The following DPP10 variants were observed in gnomAD, a reference collection of about 807,000 sequenced individuals.
DPP10 encodes inactive dipeptidyl peptidase 10.
Under a neutral mutation model 120.9 loss-of-function variants are expected in DPP10, and 33 were observed. That is an observed-to-expected ratio of 0.27 (90% CI 0.21 to 0.37). The LOEUF (loss-of-function observed/expected upper bound fraction) is 0.37, where lower values mean the gene tolerates loss of function less well. Among genes scored for constraint, DPP10 ranks in the 10% least tolerant of loss-of-function variants. DPP10 has a pLI of 1.00. For synonymous variants in DPP10, 337 were observed against 326.1 expected, an observed-to-expected ratio of 1.03 and a Z score of -0.36; for missense variants, 816 against 942.8, an observed-to-expected ratio of 0.87 and a Z score of 1.76.
intron 19 of DPP10, among the ~76,000 whole-genome samples, chr2:115,791,962 T>G (rs1235590911): frequency 6.6e-6 from 1 of 152,204 alleles, no homozygotes; most frequent in Non-Finnish European, 1.5e-5. Context: ...TTATTTCCCT[T>G]ATTAATATGA....
chr2:114,447,157 T>A (rs1210428048), intron 1 of DPP10, among the ~76,000 whole-genome samples: 1 of 150,798 alleles, frequency 6.6e-6, no homozygotes, highest in South Asian at 2.1e-4. Context: ...CCACCACGCC[T>A]GGCTAATTTT....
At chr2:115,742,436 A>G (rs1241173091) in intron 9 of DPP10, among the ~76,000 whole-genome samples, 4 of 152,190 alleles carry the variant, frequency 2.6e-5, no homozygotes, top group African/African-American at 4.8e-5. Context: ...GTATAACTAT[A>G]TATGATAACT....
intron 1 of DPP10, among the ~76,000 whole-genome samples, chr2:114,944,488 G>A (rs1697203057): frequency 6.6e-6 from 1 of 151,828 alleles, no homozygotes; most frequent in African/African-American, 2.4e-5. Flanking sequence ...CTACATTTTG[G>A]GCATTCCTTC....
At chr2:115,581,510 T>C (rs1035866372) in intron 5 of DPP10, among the ~76,000 whole-genome samples, 2 of 152,268 alleles carry the variant, frequency 1.3e-5, no homozygotes, top group Non-Finnish European at 2.9e-5. Context: ...ACCAACAATT[T>C]TCTTGCTCAG....
At chr2:114,545,920 C>T (rs897935553) in intron 1 of DPP10, among the ~76,000 whole-genome samples, 2 of 152,152 alleles carry the variant, frequency 1.3e-5, no homozygotes, top group African/African-American at 4.8e-5. Flanking sequence ...CATTTCATTA[C>T]CTGGGACATT....
intron 1 of DPP10, among the ~76,000 whole-genome samples, chr2:115,136,599 G>C (rs1381325656): frequency 6.6e-6 from 1 of 151,922 alleles, no homozygotes; most frequent in East Asian, 1.9e-4. Flanking sequence ...ATTGCCCAGG[G>C]ATTAAAAGGG....
At chr2:114,492,665 A>C (rs542280156) in intron 1 of DPP10, among the ~76,000 whole-genome samples, 4 of 152,308 alleles carry the variant, frequency 2.6e-5, no homozygotes, top group African/African-American at 9.6e-5. Context: ...CTTAAATAGA[A>C]GTTAAAAGCA....
At chr2:115,378,818 T>A (rs1481454381) in intron 3 of DPP10, among the ~76,000 whole-genome samples, 2 of 152,200 alleles carry the variant, frequency 1.3e-5, no homozygotes. Context: ...ATCATGTGGT[T>A]TTTGTCTTTG....
intron 1 of DPP10, among the ~76,000 whole-genome samples, chr2:115,214,963 T>G (rs1239204500): frequency 6.6e-6 from 1 of 152,236 alleles, no homozygotes; most frequent in East Asian, 1.9e-4. Flanking sequence ...GCAGCTAGAC[T>G]GCTGTCTTTG....
chr2:114,903,026 A>C (rs1693703829), intron 1 of DPP10, among the ~76,000 whole-genome samples: 1 of 152,160 alleles, frequency 6.6e-6, no homozygotes, highest in African/African-American at 2.4e-5. Flanking sequence ...CCTTTGCCAG[A>C]ATGTTATATA....
chr2:114,720,409 G>A (rs184166744), intron 1 of DPP10, among the ~76,000 whole-genome samples: 1 of 152,120 alleles, frequency 6.6e-6, no homozygotes. Flanking sequence ...CACGGTTGAA[G>A]GATAAAATAA....
chr2:115,363,501 G>A (rs989332284), intron 3 of DPP10, among the ~76,000 whole-genome samples: 1 of 152,128 alleles, frequency 6.6e-6, no homozygotes, highest in Non-Finnish European at 1.5e-5. Context: ...GAACATATCT[G>A]TGAATCAGTG....
At chr2:114,772,540 C>T (rs1681361917) in intron 1 of DPP10, among the ~76,000 whole-genome samples, 1 of 152,130 alleles carries the variant, frequency 6.6e-6, no homozygotes, top group South Asian at 2.1e-4. Context: ...ATGCACATAC[C>T]TAAGCTGGTA....
chr2:114,929,725 G>T (rs1477044831), intron 1 of DPP10, among the ~76,000 whole-genome samples: 3 of 152,078 alleles, frequency 2.0e-5, no homozygotes, highest in Non-Finnish European at 4.4e-5. Flanking sequence ...TCATCACAGG[G>T]TCCTGAGGCG....
At chr2:114,909,013 A>G (rs1249631960) in intron 1 of DPP10, among the ~76,000 whole-genome samples, 1 of 151,802 alleles carries the variant, frequency 6.6e-6, no homozygotes, top group African/African-American at 2.4e-5. Flanking sequence ...ATAATTTCTT[A>G]AAGTTTTTTT....
intron 8 of DPP10, among the ~76,000 whole-genome samples, chr2:115,736,430 C>T (rs533132139): frequency 5.3e-5 from 8 of 152,224 alleles, no homozygotes; most frequent in African/African-American, 1.9e-4. Flanking sequence ...TTAGTAAATA[C>T]CACCACTGAG....
At chr2:114,514,420 C>T (rs2104604107) in intron 1 of DPP10, among the ~76,000 whole-genome samples, 1 of 152,174 alleles carries the variant, frequency 6.6e-6, no homozygotes, top group Admixed American at 6.5e-5. Flanking sequence ...CCTAGAAACA[C>T]CTTCAAAACC....
intron 1 of DPP10, among the ~76,000 whole-genome samples, chr2:115,019,079 C>T (rs998136609): frequency 6.6e-6 from 1 of 151,782 alleles, no homozygotes; most frequent in Admixed American, 6.6e-5. Context: ...TTCTCGCACC[C>T]CCGCCCCTGC....
chr2:115,118,249 T>G (rs2049628544), intron 1 of DPP10, among the ~76,000 whole-genome samples: 1 of 152,194 alleles, frequency 6.6e-6, no homozygotes, highest in Admixed American at 6.5e-5. Flanking sequence ...TCCAATCTGT[T>G]ACTATCACTG....
Sources: allele counts gnomAD v4.1 joint callset (sites outside exome capture counted in the v4.1 genomes callset), GRCh38; gene constraint gnomAD v4.1.1; transcripts MANE v1.5; gene names NCBI Gene and HGNC (gene_info 2026-07-23, HGNC 2026-07-21).